RABGAP1L: variants seen among roughly 807,000 people sequenced by gnomAD.
The protein encoded by RABGAP1L is rab GTPase-activating protein 1-like.
Under a neutral mutation model 137.7 loss-of-function variants are expected in RABGAP1L, and 63 were observed. That is an observed-to-expected ratio of 0.46 (90% CI 0.37 to 0.56). The LOEUF is 0.56. Among genes scored for constraint, RABGAP1L ranks in the 20% least tolerant of loss-of-function variants. The pLI, the probability that RABGAP1L is intolerant of heterozygous loss-of-function variation, is 0.00. For missense variants in RABGAP1L, 1,095 were observed against 1,244.0 expected, an observed-to-expected ratio of 0.88 and a Z score of 1.80; for synonymous variants, 431 against 433.7, an observed-to-expected ratio of 0.99 and a Z score of 0.08.
chr1:174,316,635 C>T (rs1395716913), intron 11 of RABGAP1L, among the ~76,000 whole-genome samples: 1 of 152,176 alleles, frequency 6.6e-6, no homozygotes, highest in Non-Finnish European at 1.5e-5. Flanking sequence ...CAAACAGTCT[C>T]TCTCTGTCAC....
chr1:174,364,274 A>G (rs1463554529), intron 11 of RABGAP1L, among the ~76,000 whole-genome samples: 1 of 14,712 alleles, frequency 6.8e-5, no homozygotes, highest in Non-Finnish European at 1.1e-4. Flanking sequence ...TTTTTTTTTG[A>G]GACGGAGTCT....
intron 13 of RABGAP1L, among the ~76,000 whole-genome samples, chr1:174,619,149 C>T (rs1013900292): frequency 8.5e-5 from 13 of 152,084 alleles, no homozygotes; most frequent in African/African-American, 3.1e-4. Context: ...GTGAAACGAC[C>T]AAATCTACGT....
intron 14 of RABGAP1L, among the ~76,000 whole-genome samples, chr1:174,641,415 A>C (rs930779715): frequency 2.0e-5 from 3 of 152,108 alleles, no homozygotes; most frequent in African/African-American, 7.2e-5. Flanking sequence ...GGGGAAGTTG[A>C]GCTGAAAGTA....
intron 15 of RABGAP1L, among the ~76,000 whole-genome samples, chr1:174,691,554 T>C (rs756250293): frequency 6.6e-6 from 1 of 152,246 alleles, no homozygotes; most frequent in African/African-American, 2.4e-5. Flanking sequence ...ATGGATGATA[T>C]TTTGATATCT....
chr1:174,471,007 C>T (rs966652347), intron 13 of RABGAP1L, among the ~76,000 whole-genome samples: 3 of 150,556 alleles, frequency 2.0e-5, no homozygotes, highest in East Asian at 1.9e-4. Flanking sequence ...AACTAACTAG[C>T]ATGGTGGCTT....
chr1:174,851,468 A>AT lies in RABGAP1L; in HGVS notation c.2340+39514dup, dbSNP rs898175447. 5.2e-4 allele frequency among the ~76,000 whole-genome samples: 20 copies of AT among 38,298 alleles called. 1 individual carries two copies. The highest frequency in any genetic ancestry group is 8.9e-4 in the African/African-American group (19 of 21,282). The allele number at this position is 38,298 out of a possible 152,430, so 25.1% of individuals were successfully genotyped here. ...ATATCTGTCTCAGTCTTTAGAAGCA[A>AT]TTTTTTAGCATTTCTGTTTTAAATA... On this transcript the variant is annotated intron_variant, in intron 19 of 25. Coordinates refer to ENST00000681986, the MANE Select transcript of RABGAP1L (RefSeq NM_001366446.1).
intron 13 of RABGAP1L, among the ~76,000 whole-genome samples, chr1:174,601,057 A>C (rs934089158): frequency 6.6e-6 from 1 of 152,142 alleles, no homozygotes; most frequent in African/African-American, 2.4e-5. Flanking sequence ...ACTTTGGTGC[A>C]CCCGCAGGCT....
At chr1:174,832,985 A>G (rs897858620) in intron 19 of RABGAP1L, among the ~76,000 whole-genome samples, 1 of 152,198 alleles carries the variant, frequency 6.6e-6, no homozygotes, top group African/African-American at 2.4e-5. Context: ...ATCAGAAAAC[A>G]GGCCTAGAAT....
intron 19 of RABGAP1L, among the ~76,000 whole-genome samples, chr1:174,894,336 G>GA (rs1428629935): frequency 6.6e-6 from 1 of 152,176 alleles, no homozygotes; most frequent in Non-Finnish European, 1.5e-5. Context: ...AAAGAGACAG[G>GA]AAATATATCT....
At chr1:174,335,857 A>G (rs61828627) in intron 11 of RABGAP1L, among the ~76,000 whole-genome samples, 13,671 of 152,212 alleles carry the variant, frequency 0.09, 842 homozygotes, top group East Asian at 0.22. Flanking sequence ...TACCTGCTGT[A>G]TTTTTAGCAC....
intron 13 of RABGAP1L, among the ~76,000 whole-genome samples, chr1:174,434,236 T>C (rs571581803): frequency 6.6e-6 from 1 of 152,076 alleles, no homozygotes; most frequent in Non-Finnish European, 1.5e-5. Flanking sequence ...AATCATGCAA[T>C]GTGTATTCTT....
At position 174,448,404 on chromosome 1, in the gene RABGAP1L, C is replaced by T. The variant is rs761763151; in HGVS notation, c.1710+54259C>T. 1 of 1,613,134 alleles carries T rather than the reference C, an allele frequency of 6.2e-7. No homozygotes were observed. Among genetic ancestry groups the T allele is most frequent in the Non-Finnish European group, 8.5e-7 (1 of 1,179,104 alleles). On this transcript the variant is annotated intron_variant, in intron 13 of 25. Transcript: ENST00000681986. This position sits in a 1 kb window ranked among gnomAD's most constrained non-coding sequence, Gnocchi z 4.2. ...GTTGGAGTTAGCTGCTTGGTTCCTA[C>T]TCTGTCACTTCTCCACTACTCCACA...
chr1:174,337,497 C>T (rs1304086365), intron 11 of RABGAP1L, among the ~76,000 whole-genome samples: 1 of 152,108 alleles, frequency 6.6e-6, no homozygotes, highest in East Asian at 1.9e-4. Context: ...ACATTATGGA[C>T]TTTAATTGTA....
intron 10 of RABGAP1L, among the ~76,000 whole-genome samples, chr1:174,299,868 C>T (rs376325948): frequency 3.0e-4 from 46 of 152,144 alleles, no homozygotes; most frequent in Admixed American, 1.4e-3. Flanking sequence ...TGTTTGAGAG[C>T]GACTGTTAAA....
At chr1:174,877,443 C>G (rs988785929) in intron 19 of RABGAP1L, 1 of 1,605,294 alleles carries the variant, frequency 6.2e-7, no homozygotes, top group African/African-American at 1.3e-5. Flanking sequence ...CTTGGATAGT[C>G]TGGTCTGGAG....
At chr1:174,706,370 T>C (rs1188820585) in intron 17 of RABGAP1L, among the ~76,000 whole-genome samples, 1 of 152,188 alleles carries the variant, frequency 6.6e-6, no homozygotes. Context: ...ATACATTTTC[T>C]TATGTTAAGA....
chr1:174,508,040 G>A (rs1357506905), intron 13 of RABGAP1L, among the ~76,000 whole-genome samples: 3 of 152,086 alleles, frequency 2.0e-5, no homozygotes, highest in African/African-American at 4.8e-5. Flanking sequence ...ATTTGTAAGT[G>A]AATAAAAAAT....
At chr1:174,332,783 T>C (rs187032585) in intron 11 of RABGAP1L, among the ~76,000 whole-genome samples, 2 of 151,912 alleles carry the variant, frequency 1.3e-5, no homozygotes, top group Non-Finnish European at 1.5e-5. Flanking sequence ...CCCAGAAAAT[T>C]ATAAAAGTTA....
intron 13 of RABGAP1L, among the ~76,000 whole-genome samples, chr1:174,525,186 A>G (rs1026656124): frequency 6.6e-6 from 1 of 152,036 alleles, no homozygotes; most frequent in Non-Finnish European, 1.5e-5. Flanking sequence ...GAAAAATTAC[A>G]TTGTAATTTT....
Sources: gnomAD v4.1 joint callset for allele counts (sites outside exome capture counted in the v4.1 genomes callset) on GRCh38, gnomAD v4.1.1 for gene constraint, Gnocchi (gnomAD v3.1) non-coding constraint, MANE v1.5 for transcripts, NCBI Gene and HGNC (gene_info 2026-07-23, HGNC 2026-07-21) for gene names.